ZHX3: variants seen among roughly 807,000 people sequenced by gnomAD.
ZHX3 encodes the protein zinc fingers and homeoboxes protein 3.
Under a neutral mutation model 64.5 loss-of-function variants are expected in ZHX3, and 20 were observed. The observed-to-expected ratio is 0.31, with a 90% CI of 0.22 to 0.45. The LOEUF is 0.45. ZHX3 is among the 20% of genes least tolerant of loss of function. ZHX3 has a pLI of 1.00. For missense variants in ZHX3, 1,041 were observed against 1,195.8 expected (o/e 0.87, Z 1.91); for synonymous variants, 423 against 461.6 (o/e 0.92, Z 1.07).
intron 1 of ZHX3, among the ~76,000 whole-genome samples, chr20:41,275,068 G>T (rs561045290): frequency 2.4e-4 from 36 of 152,250 alleles, no homozygotes; most frequent in Non-Finnish European, 5.1e-4. Context: ...TGAGGCAGGA[G>T]AATCACTTGA....
chr20:41,305,139 G>A (rs2044936030), intron 1 of ZHX3, among the ~76,000 whole-genome samples: 2 of 152,218 alleles, frequency 1.3e-5, no homozygotes, highest in African/African-American at 4.8e-5. Context: ...CAAAGATTAA[G>A]GGTCTTGTCT....
At chr20:41,310,702 C>T (rs185698274) in intron 1 of ZHX3, among the ~76,000 whole-genome samples, 1 of 150,190 alleles carries the variant, frequency 6.7e-6, no homozygotes, top group Non-Finnish European at 1.5e-5. Context: ...TTAAAGAAAG[C>T]TATCTTACTT....
At chr20:41,279,910 T>C (rs2043587622) in intron 1 of ZHX3, among the ~76,000 whole-genome samples, 1 of 152,124 alleles carries the variant, frequency 6.6e-6, no homozygotes, top group Non-Finnish European at 1.5e-5. Flanking sequence ...GAAGTAGAAG[T>C]GAGCCCAGGA....
intron 1 of ZHX3, among the ~76,000 whole-genome samples, chr20:41,312,232 C>T (rs2045160709): frequency 6.6e-6 from 1 of 152,132 alleles, no homozygotes; most frequent in Non-Finnish European, 1.5e-5. Flanking sequence ...AATCAGCACT[C>T]TGTAGCTAGC....
At position 41,204,263 on chromosome 20, in the gene ZHX3, C is replaced by T; in HGVS notation, c.654G>A (p.Leu218=). The T allele has an allele frequency of 6.2e-7, 1 of 1,614,246 alleles. No homozygotes were observed. Residue 218 remains leucine, a synonymous_variant, in exon 3 of 4, where the codon CTG becomes CTA. Coordinates refer to ENST00000683867, the MANE Select transcript of ZHX3 (RefSeq NM_001384317.1). The surrounding 1 kb of genome is among the most constrained non-coding windows in gnomAD (Gnocchi z 6.6). ...SQPVGEALPK[L]STGEMEVREG... ...CTCTCACCTCCATTTCTCCAGTCGA[C>T]AGCTTTGGTAAGGCCTCACCCACAG...
chr20:41,258,943 A>G (rs2042413169), intron 2 of ZHX3, among the ~76,000 whole-genome samples: 2 of 152,134 alleles, frequency 1.3e-5, no homozygotes, highest in African/African-American at 4.8e-5. Flanking sequence ...TCTGCCACAC[A>G]AGCAACTCTG....
chr20:41,217,049 T>C (rs964563554), intron 2 of ZHX3, among the ~76,000 whole-genome samples: 10 of 152,226 alleles, frequency 6.6e-5, no homozygotes, highest in African/African-American at 2.4e-4. Context: ...AAATGGGCTA[T>C]TCTTTACCTG....
At chr20:41,296,561 C>G (rs2044539957) in intron 1 of ZHX3, among the ~76,000 whole-genome samples, 1 of 152,128 alleles carries the variant, frequency 6.6e-6, no homozygotes, top group African/African-American at 2.4e-5. Context: ...TTTTCCCCAC[C>G]TTCTGCCACA....
At chr20:41,186,795 T>G (rs1213630946) in intron 3 of ZHX3, among the ~76,000 whole-genome samples, 2 of 152,226 alleles carry the variant, frequency 1.3e-5, no homozygotes, top group Non-Finnish European at 2.9e-5. Context: ...CTATGAGAAA[T>G]GTCTAAATCA....
At chr20:41,294,582 C>T (rs1034967266) in intron 1 of ZHX3, among the ~76,000 whole-genome samples, 1 of 152,024 alleles carries the variant, frequency 6.6e-6, no homozygotes, top group East Asian at 1.9e-4. Flanking sequence ...AGGCTAGTCT[C>T]GAACTCCTGA....
chr20:41,217,248 T>C (rs1435513748), intron 2 of ZHX3, among the ~76,000 whole-genome samples: 3 of 152,148 alleles, frequency 2.0e-5, no homozygotes, highest in East Asian at 1.9e-4. Flanking sequence ...TAATTTGTTA[T>C]ATAGGATTTA....
chr20:41,312,973 A>C (rs914015173), intron 1 of ZHX3, among the ~76,000 whole-genome samples: 1 of 152,190 alleles, frequency 6.6e-6, no homozygotes, highest in Non-Finnish European at 1.5e-5. Context: ...ACCAGGAGAC[A>C]GGGAATCATC....
At chr20:41,207,558 C>G (rs2038822983) in intron 2 of ZHX3, among the ~76,000 whole-genome samples, 1 of 152,234 alleles carries the variant, frequency 6.6e-6, no homozygotes, top group South Asian at 2.1e-4. Flanking sequence ...AACCGCTCAA[C>G]TACATGGAAA....
intron 2 of ZHX3, among the ~76,000 whole-genome samples, chr20:41,250,274 A>G (rs2041926514): frequency 6.6e-6 from 1 of 152,380 alleles, no homozygotes; most frequent in East Asian, 1.9e-4. Flanking sequence ...TGGAACCACA[A>G]GAGTAAATCC....
rs1323398937 is a variant in ZHX3 at position 41,180,240 on chromosome 20, T to C, written c.*4951A>G. The C allele has an allele frequency of 6.5e-6, 1 of 152,732 alleles. No individual in the cohort carries two copies. Among genetic ancestry groups the C allele is most frequent in the Non-Finnish European group, 1.5e-5 (1 of 68,096 alleles). 9.5% of individuals were successfully genotyped at this position (152,732 alleles called of 1,614,324 possible). Reference sequence around the variant, plus strand: ...CAGAGCAGCCACGAAAGCCAAATTCTCAGGGCTGTGGAAGCTTTGGACCAG... The same window carrying C: ...CAGAGCAGCCACGAAAGCCAAATTCCCAGGGCTGTGGAAGCTTTGGACCAG... On this transcript the variant is annotated 3_prime_UTR_variant, in exon 4 of 4. Transcript: ENST00000683867.
At chr20:41,275,299 G>GC (rs1303166471) in intron 1 of ZHX3, among the ~76,000 whole-genome samples, 1 of 152,128 alleles carries the variant, frequency 6.6e-6, no homozygotes, top group African/African-American at 2.4e-5. Context: ...GAAACTAAAA[G>GC]CAATAAAAAT....
Position 41,189,285 on chromosome 20 carries a change from C to G in ZHX3, c.2861-4084G>C, listed in dbSNP as rs193130086. On this transcript the variant is annotated intron_variant, in intron 3 of 3. Transcript: ENST00000683867. Reference sequence around the variant, plus strand: ...AAGTCAGGTAATGTGATGCCTACAGCTTTGTTCTTTTTGCTTAGGATTGCT... The same window carrying G: ...AAGTCAGGTAATGTGATGCCTACAGGTTTGTTCTTTTTGCTTAGGATTGCT... Among the ~76,000 whole-genome samples the G allele has an allele frequency of 5.1e-4, 77 of 152,264 alleles. 1 individual carries two copies. The highest frequency in any genetic ancestry group is 4.8e-3 in the East Asian group (25 of 5,194).
intron 2 of ZHX3, among the ~76,000 whole-genome samples, chr20:41,237,629 G>C (rs145809585): frequency 0.07 from 10,615 of 152,198 alleles, 402 homozygotes; most frequent in Middle Eastern, 0.17. Context: ...AGGAGGAGTG[G>C]GGAGGGATAG....
chr20:41,258,898 C>T (rs944999547), intron 2 of ZHX3, among the ~76,000 whole-genome samples: 65 of 152,214 alleles, frequency 4.3e-4, no homozygotes, highest in African/African-American at 1.4e-3. Flanking sequence ...TTAAAATTTC[C>T]AAGAGATTAG....
Sources: allele counts gnomAD v4.1 joint callset (sites outside exome capture counted in the v4.1 genomes callset), GRCh38; gene constraint gnomAD v4.1.1; non-coding constraint Gnocchi (gnomAD v3.1); transcripts MANE v1.5; gene names NCBI Gene and HGNC (gene_info 2026-07-23, HGNC 2026-07-21).